Variants in SCAF4 observed in about 807,000 individuals in gnomAD.
SCAF4 encodes the protein SR-related CTD associated factor 4, also known as SR-related and CTD-associated factor 4.
SCAF4 carries 25 observed loss-of-function variants against 129.8 expected under a neutral mutation model. The ratio of observed to expected loss-of-function variants is 0.19; its 90% CI spans 0.14 to 0.27. SCAF4 has a LOEUF of 0.27. Among genes scored for constraint, SCAF4 ranks in the 10% least tolerant of loss-of-function variants. The pLI is 1.00. For synonymous variants in SCAF4, 551 were observed against 497.7 expected (o/e 1.11, Z -1.43); for missense variants, 1,246 against 1,457.1 (o/e 0.86, Z 2.36).
chr21:31,683,585 T>C (rs775291003), intron 19 of SCAF4, among the ~76,000 whole-genome samples: 2 of 152,254 alleles, frequency 1.3e-5, no homozygotes, highest in Non-Finnish European at 2.9e-5. Flanking sequence ...ATTTTACAAA[T>C]AGTTTCAGGT....
chr21:31,694,589 T>TTAA (rs1486604110), intron 10 of SCAF4, among the ~76,000 whole-genome samples: 3 of 152,244 alleles, frequency 2.0e-5, no homozygotes, highest in African/African-American at 7.2e-5. Context: ...TAGGCACTAG[T>TTAA]TAAGCCTTCA....
Position 31,731,793 on chromosome 21 carries a change from G to A in SCAF4, c.-101C>T, listed in dbSNP as rs1010887078. On this transcript the variant is annotated 5_prime_UTR_variant, in exon 1 of 20. Coordinates refer to ENST00000286835, the MANE Select transcript of SCAF4 (RefSeq NM_020706.2). ...AACCAGCCGGGCCTGGTGGCCGGGGGGAGGCGACGAGCGGCGGAGTCCGAG... is the reference window on the plus strand; with the variant it reads ...AACCAGCCGGGCCTGGTGGCCGGGGAGAGGCGACGAGCGGCGGAGTCCGAG... 1.3e-5 allele frequency: 17 copies of A among 1,347,426 alleles called. No homozygotes were observed. The African/African-American group carries it at 1.8e-4, about 14-fold the overall frequency. The allele number at this position is 1,347,426 out of a possible 1,614,324, so 83.5% of individuals were successfully genotyped here.
chr21:31,672,668 A>G (rs1363964694), intron 19 of SCAF4, among the ~76,000 whole-genome samples: 2 of 152,230 alleles, frequency 1.3e-5, no homozygotes, highest in African/African-American at 4.8e-5. Flanking sequence ...TTCCCACTCC[A>G]AATACATTTG....
At chr21:31,715,117 C>A (rs139395679) in intron 1 of SCAF4, among the ~76,000 whole-genome samples, 46 of 152,286 alleles carry the variant, frequency 3.0e-4, no homozygotes, top group African/African-American at 1.1e-3. Context: ...CTAGCATCAG[C>A]AAGGCGACAT....
chr21:31,674,383 T>C (rs189229253), intron 19 of SCAF4, among the ~76,000 whole-genome samples: 2 of 152,356 alleles, frequency 1.3e-5, no homozygotes, highest in Admixed American at 6.5e-5. Flanking sequence ...TAAAACATTA[T>C]ACACTCAAAT....
intron 19 of SCAF4, among the ~76,000 whole-genome samples, chr21:31,681,130 G>A (rs1045912853): frequency 6.6e-6 from 1 of 152,132 alleles, no homozygotes; most frequent in African/African-American, 2.4e-5. Context: ...AAAATTACAA[G>A]TAGGAAGTGA....
At chr21:31,690,722 AACAGG>A in intron 15 of SCAF4, 70 bp downstream of exon 15, 1 of 1,381,198 alleles carries the variant, frequency 7.2e-7, no homozygotes, top group South Asian at 1.4e-5. Flanking sequence ...TAATGCAAGG[AACAGG>A]ACATTCGATT....
In SCAF4 at chr21:31,671,146, G is replaced by A. The variant is rs2049679009; in HGVS notation, c.*253C>T. 1.8e-5 allele frequency: 6 copies of A among 330,132 alleles called. No individual in the cohort carries two copies. In the South Asian group the frequency reaches 5.4e-4, roughly 30 times the overall value. 20.5% of individuals were successfully genotyped at this position (330,132 alleles called of 1,614,324 possible). ...AAAAATAGAGAGCACTTCTAATTACGATTTGTAAACTTTTTAAAGTCAAAA... is the reference window on the plus strand; with the variant it reads ...AAAAATAGAGAGCACTTCTAATTACAATTTGTAAACTTTTTAAAGTCAAAA... On this transcript the variant is annotated 3_prime_UTR_variant, in exon 20 of 20. Coordinates refer to ENST00000286835, the MANE Select transcript of SCAF4 (RefSeq NM_020706.2).
At chr21:31,678,836 T>C (rs928967566) in intron 19 of SCAF4, among the ~76,000 whole-genome samples, 1 of 152,230 alleles carries the variant, frequency 6.6e-6, no homozygotes, top group Non-Finnish European at 1.5e-5. Context: ...ACTGCCTAAC[T>C]GTCCTGTTTT....
chr21:31,682,604 T>C (rs1357325142), intron 19 of SCAF4, among the ~76,000 whole-genome samples: 1 of 152,198 alleles, frequency 6.6e-6, no homozygotes, highest in Non-Finnish European at 1.5e-5. Context: ...CATTAAATCA[T>C]CGTGACACCA....
rs555231214 is a variant in SCAF4, at chr21:31,713,541, A to G, written c.31-7184T>C. On this transcript the variant is annotated intron_variant, in intron 1 of 19. Transcript: ENST00000286835. ...GAGTTAATCCAGAGCAGTGTTTTTCAAACTGTGGGTTGAGATCCAGGAATG... is the reference window on the plus strand; with the variant it reads ...GAGTTAATCCAGAGCAGTGTTTTTCGAACTGTGGGTTGAGATCCAGGAATG... Among the ~76,000 whole-genome samples, 220 of 152,346 alleles carry G rather than the reference A, an allele frequency of 1.4e-3. 2 individuals carry two copies. The highest frequency in any genetic ancestry group is 5.1e-3 in the African/African-American group (210 of 41,584).
chr21:31,685,272 C>G (rs757607018), intron 18 of SCAF4, 32 bp from the exon 19 acceptor site: 3 of 1,528,618 alleles, frequency 2.0e-6, no homozygotes. Context: ...ACATGTGAAG[C>G]TGAATAATTA....
chr21:31,721,373 GACT>G (rs1426078696), intron 1 of SCAF4, among the ~76,000 whole-genome samples: 1 of 152,138 alleles, frequency 6.6e-6, no homozygotes, highest in African/African-American at 2.4e-5. Context: ...AAAGTTTAAA[GACT>G]ATTATATATT....
intron 1 of SCAF4, among the ~76,000 whole-genome samples, chr21:31,718,882 A>G (rs1366793701): frequency 6.6e-6 from 1 of 152,276 alleles, no homozygotes; most frequent in African/African-American, 2.4e-5. Context: ...TCCGGAATTT[A>G]AAGAAATGTT....
At chr21:31,704,884 G>C (rs898835089) in intron 3 of SCAF4, among the ~76,000 whole-genome samples, 2 of 152,120 alleles carry the variant, frequency 1.3e-5, no homozygotes, top group Non-Finnish European at 2.9e-5. Flanking sequence ...CCATGGATTA[G>C]AGACATTTTT....
chr21:31,684,882 T>A, intron 19 of SCAF4, 167 bp downstream of exon 19: 1 of 589,354 alleles, frequency 1.7e-6, no homozygotes, highest in South Asian at 2.0e-5. Flanking sequence ...AAGAGGAAGA[T>A]CTTCCTCAAA....
intron 1 of SCAF4, among the ~76,000 whole-genome samples, chr21:31,716,761 C>T (rs771532089): frequency 6.6e-6 from 1 of 152,122 alleles, no homozygotes; most frequent in Non-Finnish European, 1.5e-5. Flanking sequence ...CTTATGCCTT[C>T]AATATATAAT....
chr21:31,709,959 T>TA (rs1224901549), intron 1 of SCAF4, among the ~76,000 whole-genome samples: 2 of 151,468 alleles, frequency 1.3e-5, no homozygotes, highest in Non-Finnish European at 2.9e-5. Context: ...AACATACCCA[T>TA]ACCCATACCT....
Position 31,672,099 on chromosome 21 carries a change from A to T in SCAF4, c.2744T>A (p.Phe915Tyr). The change falls in exon 20 of 20, where the codon TTT becomes TAT. Residue 915 changes from phenylalanine to tyrosine, a missense_variant. By Grantham distance (22) the Phe-to-Tyr change is conservative. Transcript: ENST00000286835. ...MKGPFPPHGPFVRPGGMPGLG... is the reference protein window; with the variant it reads ...MKGPFPPHGPYVRPGGMPGLG... ...CCCTGGCATTCCACCAGGCCTAACA[A>T]AGGGGCCATGCGGTGGGAAGGGACC... The T allele has an allele frequency of 6.2e-7, 1 of 1,613,050 alleles. No individual in the cohort carries two copies. The highest frequency in any genetic ancestry group is 8.5e-7 in the Non-Finnish European group (1 of 1,179,180).
Sources: allele counts gnomAD v4.1 joint callset (sites outside exome capture counted in the v4.1 genomes callset), GRCh38; gene constraint gnomAD v4.1.1; transcripts MANE v1.5; gene names NCBI Gene and HGNC (gene_info 2026-07-23, HGNC 2026-07-21).